Variants in PTPRG observed in about 807,000 individuals in gnomAD.
The protein encoded by PTPRG is protein tyrosine phosphatase receptor type G, also known as receptor-type tyrosine-protein phosphatase gamma.
A neutral mutation model predicts 165.3 loss-of-function variants in PTPRG; 102 were observed. That is an observed-to-expected ratio of 0.62 (90% CI 0.53 to 0.73). The LOEUF (loss-of-function observed/expected upper bound fraction) is 0.73, where lower values mean the gene tolerates loss of function less well. Among genes scored for constraint, PTPRG ranks in the 30% least tolerant of loss-of-function variants. The pLI is 0.00. For missense variants in PTPRG, 1,866 were observed against 1,861.4 expected (o/e 1.00, Z -0.05); for synonymous variants, 675 against 669.5 (o/e 1.01, Z -0.13).
chr3:61,906,539 G>A (rs1419718760), intron 2 of PTPRG, among the ~76,000 whole-genome samples: 1 of 152,146 alleles, frequency 6.6e-6, no homozygotes, highest in Admixed American at 6.5e-5. Flanking sequence ...TGAGGTCGAG[G>A]TAGGAGGATC....
chr3:62,070,645 C>T (rs1289733897), intron 4 of PTPRG, among the ~76,000 whole-genome samples: 1 of 152,074 alleles, frequency 6.6e-6, no homozygotes, highest in Admixed American at 6.5e-5. Flanking sequence ...TAATACTAGC[C>T]GTTACAAAAT....
At chr3:61,978,214 G>A (rs2040554355) in intron 2 of PTPRG, among the ~76,000 whole-genome samples, 2 of 152,270 alleles carry the variant, frequency 1.3e-5, no homozygotes, top group East Asian at 1.9e-4. Context: ...TACTTTTGCA[G>A]TATGGATTGC....
intron 28 of PTPRG, among the ~76,000 whole-genome samples, chr3:62,285,949 C>A (rs890617333): frequency 1.3e-5 from 2 of 152,124 alleles, no homozygotes; most frequent in African/African-American, 4.8e-5. Context: ...CTTATTCATA[C>A]CCATTCTGTC....
At chr3:62,230,335 T>G (rs1421262655) in intron 13 of PTPRG, among the ~76,000 whole-genome samples, 3 of 152,204 alleles carry the variant, frequency 2.0e-5, no homozygotes, top group Non-Finnish European at 4.4e-5. Flanking sequence ...AAATGTTAAC[T>G]CCTTTGGAAT....
intron 1 of PTPRG, among the ~76,000 whole-genome samples, chr3:61,629,613 TAG>T (rs1701712189): frequency 6.6e-6 from 1 of 152,176 alleles, no homozygotes; most frequent in Admixed American, 6.5e-5. Flanking sequence ...CACGGTGTAG[TAG>T]AGAGAGGTCT....
chr3:61,921,162 T>TCCTTCCTTCCTTCCTTCCTTCCTTC (rs1214890338), intron 2 of PTPRG, among the ~76,000 whole-genome samples: 2 of 147,144 alleles, frequency 1.4e-5, no homozygotes, highest in African/African-American at 5.0e-5. Flanking sequence ...CTTCCTTCCT[T>TCCTTCCTTCCTTCCTTCCTTCCTTC]CTTACCTATC....
At chr3:62,025,382 G>T (rs911654344) in intron 4 of PTPRG, among the ~76,000 whole-genome samples, 7 of 152,122 alleles carry the variant, frequency 4.6e-5, no homozygotes, top group African/African-American at 1.2e-4. Flanking sequence ...TAGTGTTTGT[G>T]TTCCTTTATC....
chr3:62,212,249 C>G (rs1440950869), intron 12 of PTPRG, among the ~76,000 whole-genome samples: 5 of 152,186 alleles, frequency 3.3e-5, no homozygotes, highest in African/African-American at 1.2e-4. Context: ...ATTACATCCA[C>G]TGGGGGAGTA....
intron 3 of PTPRG, 30 bp from the exon 4 acceptor site, chr3:62,003,318 GT>G: frequency 6.3e-7 from 1 of 1,591,322 alleles, no homozygotes; most frequent in Non-Finnish European, 8.5e-7. Flanking sequence ...AACTCACTTT[GT>G]TTTCCTCTCT....
At chr3:62,207,274 C>G (rs893687647) in intron 12 of PTPRG, among the ~76,000 whole-genome samples, 1 of 152,206 alleles carries the variant, frequency 6.6e-6, no homozygotes, top group Non-Finnish European at 1.5e-5. Flanking sequence ...CAGAAACAGG[C>G]GATGGGTCTG....
chr3:61,691,712 C>T (rs939679788), intron 1 of PTPRG, among the ~76,000 whole-genome samples: 2 of 152,126 alleles, frequency 1.3e-5, no homozygotes, highest in African/African-American at 2.4e-5. Context: ...ATCCCAGCAA[C>T]GTTAGTAATG....
At chr3:61,678,767 C>T (rs918003676) in intron 1 of PTPRG, among the ~76,000 whole-genome samples, 3 of 152,170 alleles carry the variant, frequency 2.0e-5, no homozygotes, top group Admixed American at 2.0e-4. Context: ...ACCCCAAACA[C>T]GTGTACTCTT....
At chr3:61,995,371 T>G (rs1000607172) in intron 3 of PTPRG, among the ~76,000 whole-genome samples, 1 of 152,126 alleles carries the variant, frequency 6.6e-6, no homozygotes, top group Non-Finnish European at 1.5e-5. Flanking sequence ...ATTACAGGCA[T>G]GAGCCACTGC....
At chr3:62,105,907 A>G (rs981462118) in intron 5 of PTPRG, among the ~76,000 whole-genome samples, 7 of 152,242 alleles carry the variant, frequency 4.6e-5, no homozygotes, top group Admixed American at 4.6e-4. Flanking sequence ...TGCCTAGGGA[A>G]CAACAATGAA....
At chr3:61,886,231 A>T (rs545629560) in intron 2 of PTPRG, among the ~76,000 whole-genome samples, 30 of 152,248 alleles carry the variant, frequency 2.0e-4, no homozygotes, top group African/African-American at 7.0e-4. Flanking sequence ...GGGTAAGTGG[A>T]TTCAGGTGGA....
chr3:61,685,708 C>T (rs957563350), intron 1 of PTPRG, among the ~76,000 whole-genome samples: 1 of 152,204 alleles, frequency 6.6e-6, no homozygotes, highest in Non-Finnish European at 1.5e-5. Context: ...GATACCTCCA[C>T]TATCTGTGTT....
chr3:61,663,061 A>G (rs946527489), intron 1 of PTPRG, among the ~76,000 whole-genome samples: 1 of 152,226 alleles, frequency 6.6e-6, no homozygotes, highest in Non-Finnish European at 1.5e-5. Flanking sequence ...AAGTGGGTGG[A>G]TCACTTGAGC....
rs574469466 is a variant in PTPRG, at chr3:61,569,217, G to A, written c.85+6845G>A. Among the ~76,000 whole-genome samples the A allele has an allele frequency of 3.3e-5, 5 of 152,302 alleles. No individual in the cohort carries two copies. In the East Asian group the frequency reaches 9.7e-4, roughly 29 times the overall value. On this transcript the variant is annotated intron_variant, in intron 1 of 29. Transcript: ENST00000474889. ...TTGTTTTCTAAACTAGGTGGCTATT[G>A]AGAGTTATACAGAACATAGCAAAAT...
chr3:61,879,886 C>A (rs191268042), intron 2 of PTPRG, among the ~76,000 whole-genome samples: 2 of 152,114 alleles, frequency 1.3e-5, no homozygotes, highest in African/African-American at 4.8e-5. Context: ...TAAGCCTTTA[C>A]GTTATAATGA....
Sources: gnomAD v4.1 joint callset for allele counts (sites outside exome capture counted in the v4.1 genomes callset) on GRCh38, gnomAD v4.1.1 for gene constraint, MANE v1.5 for transcripts, NCBI Gene and HGNC (gene_info 2026-07-23, HGNC 2026-07-21) for gene names.